The following LY75 variants were observed in gnomAD, a reference collection of about 807,000 sequenced individuals.
LY75 encodes the protein C-type lectin domain family 13 member B.
In LY75, 185 loss-of-function variants were observed where a neutral mutation model predicts 231.7. The ratio of observed to expected loss-of-function variants is 0.80; its 90% CI spans 0.71 to 0.90. The LOEUF is 0.90. LY75 is among the 40% of genes least tolerant of loss of function. The pLI is 0.00. For missense variants in LY75, 1,947 were observed against 2,050.2 expected (o/e 0.95, Z 0.97); for synonymous variants, 668 against 689.0 (o/e 0.97, Z 0.48).
chr2:159,894,114 G>A (rs758977131), intron 2 of LY75, 30 bp from the exon 3 acceptor site: 59 of 1,566,556 alleles, frequency 3.8e-5, no homozygotes, highest in Non-Finnish European at 4.9e-5. Context: ...GGGGAAAAGA[G>A]AGTTAAAAAC....
intron 12 of LY75, among the ~76,000 whole-genome samples, chr2:159,874,238 T>TATATATTGTGAATATATATAA (rs1685125766): frequency 1.1e-5 from 1 of 90,954 alleles, no homozygotes; most frequent in Non-Finnish European, 2.1e-5. Context: ...ATTGTAAATA[T>TATATATTGTGAATATATATAA]ATATATTGTA....
intron 12 of LY75, among the ~76,000 whole-genome samples, chr2:159,874,998 T>C (rs1426381900): frequency 7.0e-6 from 1 of 143,766 alleles, no homozygotes; most frequent in East Asian, 2.0e-4. Context: ...TTTATAAATA[T>C]ATATATTGTA....
chr2:159,827,720 A>G (rs546188575), intron 28 of LY75, among the ~76,000 whole-genome samples: 6 of 152,340 alleles, frequency 3.9e-5, no homozygotes, highest in African/African-American at 1.4e-4. Context: ...ATGTCCATCA[A>G]TGATAAACTG....
chr2:159,857,885 T>C (rs550707320), intron 16 of LY75, among the ~76,000 whole-genome samples: 3 of 152,340 alleles, frequency 2.0e-5, no homozygotes, highest in Admixed American at 2.0e-4. Flanking sequence ...TCAATCTAAC[T>C]GGCTTCTCAA....
At chr2:159,874,627 GT>G (rs1560093870) in intron 12 of LY75, among the ~76,000 whole-genome samples, 136 of 5,042 alleles carry the variant, frequency 0.027, 11 homozygotes, top group East Asian at 0.14. Flanking sequence ...TATATATATA[GT>G]AAATATATGT....
intron 21 of LY75, among the ~76,000 whole-genome samples, chr2:159,850,791 T>TATATATATAA (rs1341394980): frequency 0.02 from 1,924 of 94,466 alleles, 192 homozygotes; most frequent in East Asian, 0.14. Flanking sequence ...TATATATATA[T>TATATATATAA]ATATATATTA....
At chr2:159,824,004 G>A (rs897367472) in intron 28 of LY75, among the ~76,000 whole-genome samples, 20 of 152,104 alleles carry the variant, frequency 1.3e-4, no homozygotes, top group Non-Finnish European at 2.6e-4. Flanking sequence ...ATACCAAACT[G>A]TAAAGAACAT....
chr2:159,887,934 T>C (rs1183288933), intron 4 of LY75, among the ~76,000 whole-genome samples: 2 of 152,178 alleles, frequency 1.3e-5, no homozygotes, highest in African/African-American at 4.8e-5. Flanking sequence ...ATGTCAATAT[T>C]CTAGGAAACT....
In LY75 at chr2:159,835,600, T is replaced by C. The variant is rs772820571; in HGVS notation, c.3553A>G (p.Ser1185Gly). 1 of 1,613,824 alleles carries C rather than the reference T, an allele frequency of 6.2e-7. No individual in the cohort carries two copies. Among genetic ancestry groups the C allele is most frequent in the South Asian group, 1.1e-5 (1 of 90,970 alleles). Residue 1185 changes from serine (S) to glycine (G), a missense_variant, in exon 26 of 35, where the codon AGT (serine) becomes GGT (glycine). Transcript: ENST00000263636. ...GWSDGKRLHF[S>G]RWAETNGQLE... The stretch of plus-strand genomic sequence containing the variant: ...TGCCCATTAGTTTCAGCCCAGCGAC[T>C]AAAATGAAGACGTTTCCCATCTGAC...
intron 4 of LY75, among the ~76,000 whole-genome samples, chr2:159,887,452 G>A (rs1436297488): frequency 6.6e-6 from 1 of 151,584 alleles, no homozygotes; most frequent in East Asian, 1.9e-4. Context: ...CAGCTACTCA[G>A]GAGGCTGAGG....
Position 159,898,895 on chromosome 2 carries a change from C to A in LY75, c.259G>T (p.Asp87Tyr), listed in dbSNP as rs765949228. ...AGCTCATTTACCGATTTGGTAATAT[C>A]GAGGCCAAGGCACTTTTGGGAGTGC... ...HLHSQKCLGLDITKSVNELRM... is the reference protein window; with the variant it reads ...HLHSQKCLGLYITKSVNELRM... Residue 87 changes from aspartate (D) to tyrosine (Y), a missense_variant, in exon 2 of 35, where the codon GAT becomes TAT. Transcript: ENST00000263636. 1.8e-5 allele frequency: 29 copies of A among 1,614,072 alleles called. No individual in the cohort carries two copies. Among genetic ancestry groups the A allele is most frequent in the Middle Eastern group, 1.6e-4 (1 of 6,084 alleles).
At chr2:159,854,870 C>T in intron 17 of LY75, 34 bp downstream of exon 17, 1 of 1,612,192 alleles carries the variant, frequency 6.2e-7, no homozygotes, top group Non-Finnish European at 8.5e-7. Context: ...AAGGTAAAAG[C>T]AGCTTTGGTT....
chr2:159,837,346 G>T (rs1055058221), intron 25 of LY75, among the ~76,000 whole-genome samples: 1 of 152,182 alleles, frequency 6.6e-6, no homozygotes, highest in Non-Finnish European at 1.5e-5. Context: ...ACAGCAACAT[G>T]GATGTAGCTG....
At chr2:159,863,458 A>G (rs1560087804) in intron 14 of LY75, among the ~76,000 whole-genome samples, 1 of 151,990 alleles carries the variant, frequency 6.6e-6, no homozygotes, top group Non-Finnish European at 1.5e-5. Flanking sequence ...ATCCTTACCA[A>G]CATGTATCTT....
At chr2:159,880,061 T>C (rs2125874916) in intron 8 of LY75, among the ~76,000 whole-genome samples, 1 of 152,322 alleles carries the variant, frequency 6.6e-6, no homozygotes, top group Admixed American at 6.5e-5. Flanking sequence ...ACATGTTGGA[T>C]GTCCTTTTAA....
At chr2:159,884,304 A>C (rs1685522323) in intron 6 of LY75, among the ~76,000 whole-genome samples, 1 of 152,150 alleles carries the variant, frequency 6.6e-6, no homozygotes, top group Non-Finnish European at 1.5e-5. Flanking sequence ...ACATCCCTCC[A>C]GCTTTGAGTA....
At chr2:159,847,593 T>C (rs554160805) in intron 23 of LY75, among the ~76,000 whole-genome samples, 89 of 152,266 alleles carry the variant, frequency 5.8e-4, no homozygotes, top group South Asian at 1.2e-3. Flanking sequence ...GGGGCAGGGG[T>C]AACATCTTTA....
At chr2:159,868,544 G>A (rs1684920097) in intron 13 of LY75, among the ~76,000 whole-genome samples, 1 of 152,094 alleles carries the variant, frequency 6.6e-6, no homozygotes, top group African/African-American at 2.4e-5. Flanking sequence ...ATTTTTTAAA[G>A]AAGGGAGTGC....
At chr2:159,888,232 A>G (rs926462084) in intron 4 of LY75, among the ~76,000 whole-genome samples, 1 of 152,204 alleles carries the variant, frequency 6.6e-6, no homozygotes, top group Non-Finnish European at 1.5e-5. Context: ...ATAACAAAAA[A>G]GCTGGGCATG....
Sources: gnomAD v4.1 joint callset for allele counts (sites outside exome capture counted in the v4.1 genomes callset) on GRCh38, gnomAD v4.1.1 for gene constraint, MANE v1.5 for transcripts, NCBI Gene and HGNC (gene_info 2026-07-23, HGNC 2026-07-21) for gene names.